Variants in LTBP1 observed in about 807,000 individuals in gnomAD.
LTBP1 encodes latent transforming growth factor beta binding protein 1.
Under a neutral mutation model 207.6 loss-of-function variants are expected in LTBP1, and 129 were observed. That is an observed-to-expected ratio of 0.62 (90% CI 0.54 to 0.72). The LOEUF is 0.72. LTBP1 is among the 30% of genes least tolerant of loss of function. The probability of loss-of-function intolerance (pLI) is 0.00; values close to 1 mark genes in which losing one functional copy is unlikely to be tolerated. For missense variants in LTBP1, 2,281 were observed against 2,217.2 expected, an observed-to-expected ratio of 1.03 and a Z score of -0.58; for synonymous variants, 963 against 833.7, an observed-to-expected ratio of 1.16 and a Z score of -2.67.
intron 19 of LTBP1, among the ~76,000 whole-genome samples, chr2:33,282,867 A>G (rs1010889269): frequency 4.6e-5 from 7 of 152,146 alleles, no homozygotes; most frequent in African/African-American, 1.7e-4. Flanking sequence ...GATCGAGACC[A>G]TCCTGGCCAA....
chr2:32,988,136 G>A (rs957399272), intron 2 of LTBP1, among the ~76,000 whole-genome samples: 13 of 152,188 alleles, frequency 8.5e-5, no homozygotes, highest in African/African-American at 2.9e-4. Context: ...AGGGATTGTG[G>A]CCCTGGTGAA....
chr2:32,947,246 C>G lies in LTBP1; in HGVS notation c.-79C>G. On this transcript the variant is annotated 5_prime_UTR_variant, in exon 1 of 34. Coordinates refer to ENST00000404816, the MANE Select transcript of LTBP1 (RefSeq NM_206943.4). Reference sequence around the variant, plus strand: ...TCGGCAGCTCTCGGGGGAGCCCGAACGCGCGGGGAAAGGCGAGCCGCACGG... The same window carrying G: ...TCGGCAGCTCTCGGGGGAGCCCGAAGGCGCGGGGAAAGGCGAGCCGCACGG... The G allele has an allele frequency of 1.8e-6, 2 of 1,104,514 alleles. No individual in the cohort carries two copies. Among genetic ancestry groups the G allele is most frequent in the Non-Finnish European group, 1.1e-6 (1 of 879,724 alleles). 68.4% of individuals were successfully genotyped at this position (1,104,514 alleles called of 1,614,324 possible).
At chr2:33,009,065 G>A (rs1037807003) in intron 2 of LTBP1, among the ~76,000 whole-genome samples, 12 of 152,212 alleles carry the variant, frequency 7.9e-5, no homozygotes, top group African/African-American at 2.9e-4. Context: ...TGAGGTGGAA[G>A]CCTTTGGAGG....
At chr2:33,161,786 G>A (rs922349943) in intron 5 of LTBP1, among the ~76,000 whole-genome samples, 42 of 152,304 alleles carry the variant, frequency 2.8e-4, no homozygotes, top group Admixed American at 2.4e-3. Flanking sequence ...TAAAGAACCT[G>A]CATTGTAGAC....
chr2:33,305,396 G>A (rs1304510732), intron 22 of LTBP1, among the ~76,000 whole-genome samples: 1 of 151,930 alleles, frequency 6.6e-6, no homozygotes, highest in Admixed American at 6.5e-5. Flanking sequence ...AGAGAAAATA[G>A]AGCGGGGTAT....
At chr2:33,307,060 C>T (rs962455345) in intron 22 of LTBP1, among the ~76,000 whole-genome samples, 2 of 151,774 alleles carry the variant, frequency 1.3e-5, no homozygotes, top group African/African-American at 2.4e-5. Context: ...GCACTCCAGC[C>T]TGGCAACAGA....
At chr2:33,241,813 C>G (rs2092334134) in intron 9 of LTBP1, among the ~76,000 whole-genome samples, 1 of 152,188 alleles carries the variant, frequency 6.6e-6, no homozygotes, top group Non-Finnish European at 1.5e-5. Context: ...TCCAACTGGA[C>G]TTGGCACTCT....
At chr2:33,127,052 C>T (rs1006635682) in intron 4 of LTBP1, among the ~76,000 whole-genome samples, 1 of 152,096 alleles carries the variant, frequency 6.6e-6, no homozygotes, top group African/African-American at 2.4e-5. Context: ...AAATATAATG[C>T]ATTCAAGTTA....
At chr2:33,388,423 T>A (rs2095286251) in intron 31 of LTBP1, among the ~76,000 whole-genome samples, 1 of 152,222 alleles carries the variant, frequency 6.6e-6, no homozygotes, top group Admixed American at 6.5e-5. Flanking sequence ...TCAAATCAGG[T>A]TCTGCCACAT....
At chr2:33,118,313 G>A (rs779596559) in intron 4 of LTBP1, among the ~76,000 whole-genome samples, 3 of 152,160 alleles carry the variant, frequency 2.0e-5, no homozygotes, top group Admixed American at 6.5e-5. Context: ...TACAAGAGCT[G>A]ATGAAAACCA....
At position 33,188,438 on chromosome 2, in the gene LTBP1, A is replaced by AAAAAC. The variant is rs1258548442; in HGVS notation, c.1427-135_1427-134insCAAAA. ...GCGAAACTCCATCTCAAAAAAAAAA[A>AAAAAC]AAAAAAGAATTTTGATGGCTATGCA... On this transcript the variant is annotated intron_variant, in intron 6 of 33. Coordinates refer to ENST00000404816, the MANE Select transcript of LTBP1 (RefSeq NM_206943.4). The AAAAAC allele has an allele frequency of 1.5e-4, 89 of 603,934 alleles. 2 individuals carry two copies. The African/African-American group carries it at 1.6e-3, about 11-fold the overall frequency. The allele number at this position is 603,934 out of a possible 1,614,324, so 37.4% of individuals were successfully genotyped here. A position where few individuals can be genotyped will look rare whatever the true frequency, so the allele number is the denominator to read the frequency against.
intron 3 of LTBP1, among the ~76,000 whole-genome samples, chr2:33,109,811 A>C (rs1409024988): frequency 6.6e-6 from 1 of 152,242 alleles, no homozygotes; most frequent in Non-Finnish European, 1.5e-5. Flanking sequence ...AGATTTTTAC[A>C]GCCACTTTTT....
intron 31 of LTBP1, among the ~76,000 whole-genome samples, chr2:33,381,791 G>T (rs1406596920): frequency 6.6e-6 from 1 of 152,130 alleles, no homozygotes. Context: ...CAAAAGGACA[G>T]CTGGGGAGTA....
At chr2:33,152,812 A>G (rs1250776160) in intron 5 of LTBP1, among the ~76,000 whole-genome samples, 4 of 152,172 alleles carry the variant, frequency 2.6e-5, no homozygotes, top group Admixed American at 6.5e-5. Flanking sequence ...TTTTCAAGAA[A>G]AACCTGGGAT....
chr2:33,139,502 G>A (rs943902075), intron 5 of LTBP1, among the ~76,000 whole-genome samples: 3 of 152,196 alleles, frequency 2.0e-5, no homozygotes, highest in Non-Finnish European at 2.9e-5. Context: ...CCAGAGAAGG[G>A]AAATACCACT....
chr2:32,949,839 AC>A (rs1299560557), intron 2 of LTBP1, among the ~76,000 whole-genome samples: 1 of 152,224 alleles, frequency 6.6e-6, no homozygotes, highest in Non-Finnish European at 1.5e-5. Context: ...CAATCTGGTG[AC>A]CTTGTTTGTT....
intron 7 of LTBP1, among the ~76,000 whole-genome samples, chr2:33,209,733 G>A (rs546266882): frequency 9.4e-4 from 143 of 152,010 alleles, no homozygotes; most frequent in Admixed American, 3.7e-3. Context: ...ATTGTATATC[G>A]AATAACTACT....
intron 26 of LTBP1, among the ~76,000 whole-genome samples, chr2:33,350,568 T>C (rs1248321239): frequency 6.6e-6 from 1 of 152,256 alleles, no homozygotes; most frequent in East Asian, 1.9e-4. Flanking sequence ...AGGGTTTTTA[T>C]TTCTAAACTT....
intron 2 of LTBP1, among the ~76,000 whole-genome samples, chr2:32,956,532 T>A (rs112011046): frequency 0.045 from 6,828 of 152,266 alleles, 234 homozygotes; most frequent in Non-Finnish European, 0.073. Flanking sequence ...ATCTTCAGGC[T>A]CCACTTTTAA....
Sources: allele counts gnomAD v4.1 joint callset (sites outside exome capture counted in the v4.1 genomes callset), GRCh38; gene constraint gnomAD v4.1.1; transcripts MANE v1.5; gene names NCBI Gene and HGNC (gene_info 2026-07-23, HGNC 2026-07-21).